The following CSMD1 variants were observed in gnomAD, a reference collection of about 807,000 sequenced individuals.
CSMD1 encodes the protein CUB and Sushi multiple domains 1.
CSMD1 carries 213 observed loss-of-function variants against 417.5 expected under a neutral mutation model. The observed-to-expected ratio is 0.51, with a 90% confidence interval of 0.46 to 0.57. The LOEUF (loss-of-function observed/expected upper bound fraction) is 0.57. Among genes scored for constraint, CSMD1 ranks in the 20% least tolerant of loss-of-function variants. The pLI is 0.00. For missense variants in CSMD1, 6,923 were observed against 4,529.7 expected (o/e 1.53, Z -15.17); for synonymous variants, 2,862 against 1,736.8 (o/e 1.65, Z -16.11).
chr8:3,702,696 G>C (rs1371094533), intron 7 of CSMD1, among the ~76,000 whole-genome samples: 1 of 152,148 alleles, frequency 6.6e-6, no homozygotes, highest in East Asian at 1.9e-4. Context: ...GCCGGGCATC[G>C]TGGTGCATGC....
At chr8:4,733,903 GA>G (rs527788823) in intron 1 of CSMD1, among the ~76,000 whole-genome samples, 2 of 151,960 alleles carry the variant, frequency 1.3e-5, no homozygotes, top group East Asian at 3.9e-4. Flanking sequence ...TTGAATTCTG[GA>G]AAAAAACAGA....
Position 3,219,079 on chromosome 8 carries a change from G to C in CSMD1, c.4672+176C>G, listed in dbSNP as rs573244977. On this transcript the variant is annotated intron_variant, in intron 29 of 69. Transcript: ENST00000635120. ...TTCTTCCTCCAGTTAAAGTAGAAAT[G>C]CACCTCAGGAATATCTTCACTGGAG... Among the ~76,000 whole-genome samples, 3 of 152,178 alleles carry C rather than the reference G, an allele frequency of 2.0e-5. No individual in the cohort carries two copies. In the East Asian group the frequency reaches 5.8e-4, roughly 29 times the overall value.
intron 3 of CSMD1, among the ~76,000 whole-genome samples, chr8:4,207,573 G>T (rs879637025): frequency 1.3e-5 from 2 of 152,094 alleles, no homozygotes; most frequent in Admixed American, 1.3e-4. Context: ...GAAAATGAAT[G>T]AAACTGAAAT....
At chr8:4,623,050 T>C (rs1448959302) in intron 2 of CSMD1, among the ~76,000 whole-genome samples, 2 of 152,094 alleles carry the variant, frequency 1.3e-5, no homozygotes, top group African/African-American at 4.8e-5. Context: ...ATATATACCA[T>C]TAAAAGGATA....
chr8:4,438,528 C>G (rs1405421083), intron 2 of CSMD1, among the ~76,000 whole-genome samples: 2 of 152,194 alleles, frequency 1.3e-5, no homozygotes, highest in African/African-American at 2.4e-5. Flanking sequence ...AAGTCCCACT[C>G]CTTTCACATG....
At position 4,374,970 on chromosome 8, in the gene CSMD1, G is replaced by GC. The variant is rs1240904469; in HGVS notation, c.415+44982_415+44983insG. ...ACAGACAAAGGTGGGGTGGGGGGGG[G>GC]GGGCGATAGTGGGGGTACGGGCAAG... On this transcript the variant is annotated intron_variant, in intron 3 of 69. Transcript: ENST00000635120. Among the ~76,000 whole-genome samples, 3 of 133,478 alleles carry GC rather than the reference G, an allele frequency of 2.2e-5. No individual in the cohort carries two copies. The Admixed American group carries it at 2.3e-4, about 10-fold the overall frequency. 87.6% of individuals were successfully genotyped at this position (133,478 alleles called of 152,430 possible).
Position 3,920,010 on chromosome 8 carries a change from A to T in CSMD1, c.818+77893T>A, listed in dbSNP as rs548095210. 2.0e-5 allele frequency among the ~76,000 whole-genome samples: 3 copies of T among 151,450 alleles called. No homozygotes were observed. In the South Asian group the frequency reaches 6.3e-4, roughly 32 times the overall value. ...ATACCAAATTTTTTTTTACTTTAGG[A>T]TTTACCAAATTTGTTTTTTACTTTT... On this transcript the variant is annotated intron_variant, in intron 5 of 69. Transcript: ENST00000635120.
intron 3 of CSMD1, among the ~76,000 whole-genome samples, chr8:4,077,828 C>T (rs1401383122): frequency 6.6e-6 from 1 of 152,142 alleles, no homozygotes; most frequent in Non-Finnish European, 1.5e-5. Context: ...TTTTCAGATA[C>T]ATAAACCAAA....
intron 12 of CSMD1, among the ~76,000 whole-genome samples, chr8:3,431,410 T>A (rs1220989437): frequency 6.6e-6 from 1 of 152,180 alleles, no homozygotes; most frequent in Non-Finnish European, 1.5e-5. Flanking sequence ...CGCTTTTGTA[T>A]TCCCAGTTTG....
chr8:3,127,175 C>A (rs79472547), intron 41 of CSMD1, among the ~76,000 whole-genome samples: 9 of 152,040 alleles, frequency 5.9e-5, no homozygotes, highest in Admixed American at 5.9e-4. Context: ...GTTGCCCTAG[C>A]GGGGATGGGG....
At chr8:4,078,447 T>A (rs1052921407) in intron 3 of CSMD1, among the ~76,000 whole-genome samples, 2 of 151,478 alleles carry the variant, frequency 1.3e-5, no homozygotes, top group African/African-American at 4.9e-5. Flanking sequence ...CTTGAATAGC[T>A]GGGACTACAG....
chr8:4,661,860 A>G (rs1033119812), intron 1 of CSMD1, among the ~76,000 whole-genome samples: 3 of 152,214 alleles, frequency 2.0e-5, no homozygotes, highest in African/African-American at 7.2e-5. Context: ...TAATGTTATC[A>G]TGGAGATGAA....
At chr8:3,810,201 G>A (rs572779315) in intron 5 of CSMD1, among the ~76,000 whole-genome samples, 42 of 152,268 alleles carry the variant, frequency 2.8e-4, no homozygotes, top group African/African-American at 9.6e-4. Context: ...AATGAGTCAG[G>A]ACAGTCTAGT....
chr8:3,646,625 A>C (rs1055143381), intron 7 of CSMD1, among the ~76,000 whole-genome samples: 1 of 152,196 alleles, frequency 6.6e-6, no homozygotes, highest in African/African-American at 2.4e-5. Context: ...AAAAATGAGT[A>C]ACTTTCTTGG....
intron 1 of CSMD1, among the ~76,000 whole-genome samples, chr8:4,671,702 A>C (rs1157693038): frequency 1.3e-5 from 2 of 152,054 alleles, no homozygotes; most frequent in Non-Finnish European, 2.9e-5. Context: ...TCTTACCTCA[A>C]AATATGGGTC....
intron 1 of CSMD1, among the ~76,000 whole-genome samples, chr8:4,768,228 G>C (rs755260782): frequency 6.6e-5 from 10 of 152,082 alleles, no homozygotes; most frequent in Non-Finnish European, 8.8e-5. Flanking sequence ...CTTCCCATGA[G>C]TGCTGCTCTG....
intron 40 of CSMD1, chr8:3,151,171 C>G: frequency 2.2e-6 from 1 of 453,112 alleles, no homozygotes; most frequent in Non-Finnish European, 3.9e-6. Context: ...TATCATCATT[C>G]GGCCAATTTA....
intron 3 of CSMD1, among the ~76,000 whole-genome samples, chr8:4,056,011 C>G (rs146290054): frequency 0.011 from 1,619 of 151,264 alleles, 105 homozygotes; most frequent in Admixed American, 0.097. Context: ...AAATTGTAGT[C>G]TACACAGATT....
At chr8:4,973,705 G>C (rs1047012232) in intron 1 of CSMD1, among the ~76,000 whole-genome samples, 1 of 152,100 alleles carries the variant, frequency 6.6e-6, no homozygotes, top group Non-Finnish European at 1.5e-5. Flanking sequence ...AGCTCTTCAA[G>C]GCTTATGTTG....
Sources: gnomAD v4.1 joint callset for allele counts (sites outside exome capture counted in the v4.1 genomes callset) on GRCh38, gnomAD v4.1.1 for gene constraint, MANE v1.5 for transcripts, NCBI Gene and HGNC (gene_info 2026-07-23, HGNC 2026-07-21) for gene names.